The following MAP7 variants were observed in gnomAD, a reference collection of about 807,000 sequenced individuals.
The protein encoded by MAP7 is ensconsin.
In MAP7, 52 loss-of-function variants were observed where a neutral mutation model predicts 94.8. The observed-to-expected ratio is 0.55, with a 90% confidence interval of 0.44 to 0.69. MAP7 has a LOEUF of 0.69. MAP7 is among the 30% of genes least tolerant of loss of function. MAP7 has a pLI of 0.00. For synonymous variants in MAP7, 350 were observed against 357.0 expected, an observed-to-expected ratio of 0.98 and a Z score of 0.22; for missense variants, 940 against 964.6, an observed-to-expected ratio of 0.97 and a Z score of 0.34.
chr6:136,382,005 G>A (rs191938309), intron 6 of MAP7, among the ~76,000 whole-genome samples: 496 of 151,886 alleles, frequency 3.3e-3, no homozygotes, highest in Non-Finnish European at 5.2e-3. Context: ...GCAGTGTGGC[G>A]GTCACACGGG....
chr6:136,496,853 C>A (rs1253333572), intron 1 of MAP7, among the ~76,000 whole-genome samples: 2 of 149,648 alleles, frequency 1.3e-5, no homozygotes, highest in Admixed American at 1.3e-4. Context: ...ACTCGGGAGG[C>A]TGAGGCAGAA....
At chr6:136,500,761 T>A (rs183567860) in intron 1 of MAP7, among the ~76,000 whole-genome samples, 161 of 152,326 alleles carry the variant, frequency 1.1e-3, no homozygotes, top group African/African-American at 3.8e-3. Context: ...ATATTCCAGG[T>A]CTTAATTATT....
At chr6:136,376,813 G>T (rs758023168) in intron 7 of MAP7, among the ~76,000 whole-genome samples, 1 of 152,144 alleles carries the variant, frequency 6.6e-6, no homozygotes, top group Non-Finnish European at 1.5e-5. Flanking sequence ...AGATTTATTC[G>T]CTCATTGGGC....
At chr6:136,439,806 G>A (rs771610604) in intron 1 of MAP7, among the ~76,000 whole-genome samples, 1 of 152,106 alleles carries the variant, frequency 6.6e-6, no homozygotes, top group Non-Finnish European at 1.5e-5. Context: ...GTAAAGGCCT[G>A]GAAGAAGGGA....
intron 1 of MAP7, among the ~76,000 whole-genome samples, chr6:136,526,984 C>G (rs1216144012): frequency 6.6e-6 from 1 of 152,150 alleles, no homozygotes; most frequent in East Asian, 1.9e-4. Flanking sequence ...GAGATCACAA[C>G]GTGGAGTGTC....
chr6:136,372,206 A>T (rs1042306250), intron 8 of MAP7, among the ~76,000 whole-genome samples: 1 of 152,206 alleles, frequency 6.6e-6, no homozygotes, highest in Non-Finnish European at 1.5e-5. Flanking sequence ...CTGGCATTGT[A>T]CTTATGTGTA....
chr6:136,423,301 A>G (rs1791982610), intron 1 of MAP7, among the ~76,000 whole-genome samples: 1 of 152,194 alleles, frequency 6.6e-6, no homozygotes, highest in Non-Finnish European at 1.5e-5. Context: ...GTAAATGGGG[A>G]AAACATCTAC....
At chr6:136,545,265 T>C (rs1455293527) in intron 1 of MAP7, 1 of 151,154 alleles carries the variant, frequency 6.6e-6, no homozygotes, top group East Asian at 1.9e-4. Flanking sequence ...GCTAGGCAGA[T>C]ATTCCTCATG....
rs554863320 is a variant in MAP7, at chr6:136,346,296, C to G, written c.2016-217G>C. 2.6e-4 allele frequency among the ~76,000 whole-genome samples: 40 copies of G among 152,310 alleles called. 1 individual carries two copies. In the South Asian group the frequency reaches 7.9e-3, roughly 30 times the overall value. ...AAAAAATCTAGGTCAGGCACAGTGG[C>G]TCATGCCTGTAATCCTAGCGCTTTG... On this transcript the variant is annotated intron_variant, in intron 16 of 17. Coordinates refer to ENST00000354570, the MANE Select transcript of MAP7 (RefSeq NM_003980.6).
chr6:136,448,713 T>C (rs1484907141), intron 1 of MAP7, among the ~76,000 whole-genome samples: 1 of 151,954 alleles, frequency 6.6e-6, no homozygotes, highest in Non-Finnish European at 1.5e-5. Context: ...TGCCTAGCAA[T>C]GCCTATGAAT....
Position 136,345,859 on chromosome 6 carries a change from C to A in MAP7, c.2236G>T (p.Ala746Ser). 6.2e-7 allele frequency: 1 copy of A among 1,613,688 alleles called. No individual in the cohort carries two copies. Among genetic ancestry groups the A allele is most frequent in the Non-Finnish European group, 8.5e-7 (1 of 1,179,560 alleles). ...AGGGAGTTGGAGGCAAGCTTACCTG[C>A]AGTCTGCTGTGTCTGAACACCATCT... The part of the protein sequence containing the change: ...QVDGVQTQQT[A>S]EVI Residue 746 changes from alanine (A) to serine (S), a missense_variant, in exon 17 of 18, where the codon GCA (alanine) becomes TCA (serine). Ala to Ser is a moderately conservative substitution (Grantham distance 99, BLOSUM62 1). Transcript: ENST00000354570.
intron 5 of MAP7, among the ~76,000 whole-genome samples, chr6:136,385,630 A>G (rs1778991054): frequency 6.6e-6 from 1 of 152,216 alleles, no homozygotes; most frequent in Non-Finnish European, 1.5e-5. Context: ...TTAGTAGTAA[A>G]GCATCTAAAT....
At chr6:136,440,827 TA>T (rs71963756) in intron 1 of MAP7, among the ~76,000 whole-genome samples, 1,414 of 140,216 alleles carry the variant, frequency 0.01, 18 homozygotes, top group African/African-American at 0.027. Context: ...TTTAAGGTCT[TA>T]AAAAAAAAAA....
intron 2 of MAP7, among the ~76,000 whole-genome samples, chr6:136,412,070 C>T (rs1787659055): frequency 6.6e-6 from 1 of 152,142 alleles, no homozygotes; most frequent in South Asian, 2.1e-4. Flanking sequence ...TTATACTGCA[C>T]AAATGTTTGA....
chr6:136,376,462 G>T (rs1582721075), intron 7 of MAP7, among the ~76,000 whole-genome samples: 1 of 152,322 alleles, frequency 6.6e-6, no homozygotes, highest in Non-Finnish European at 1.5e-5. Flanking sequence ...AGAAAAGTGT[G>T]AAATTCATAG....
chr6:136,394,769 C>T (rs1176322827), intron 3 of MAP7, among the ~76,000 whole-genome samples: 1 of 151,028 alleles, frequency 6.6e-6, no homozygotes, highest in Admixed American at 6.6e-5. Context: ...CGACTCACTA[C>T]CTCCATGAGA....
intron 1 of MAP7, among the ~76,000 whole-genome samples, chr6:136,545,894 T>TC (rs1398720758): frequency 2.0e-5 from 3 of 152,362 alleles, no homozygotes; most frequent in Admixed American, 2.0e-4. Flanking sequence ...CAAGCATTTA[T>TC]CCTTTGTGTT....
chr6:136,359,064 T>G (rs571964513), intron 15 of MAP7, among the ~76,000 whole-genome samples: 6 of 152,164 alleles, frequency 3.9e-5, no homozygotes, highest in Non-Finnish European at 7.3e-5. Flanking sequence ...GTATGAAAGA[T>G]GTACCTGATA....
chr6:136,441,383 T>C (rs1164267676), intron 1 of MAP7, among the ~76,000 whole-genome samples: 1 of 152,184 alleles, frequency 6.6e-6, no homozygotes, highest in East Asian at 1.9e-4. Flanking sequence ...CAGGAAATAA[T>C]AGAGCAGAAA....
Sources: allele counts gnomAD v4.1 joint callset (sites outside exome capture counted in the v4.1 genomes callset), GRCh38; gene constraint gnomAD v4.1.1; transcripts MANE v1.5; gene names NCBI Gene and HGNC (gene_info 2026-07-23, HGNC 2026-07-21).